NRG3: variants seen among roughly 807,000 people sequenced by gnomAD.
The protein encoded by NRG3 is neuregulin 3.
A neutral mutation model predicts 66.9 loss-of-function variants in NRG3; 31 were observed. The observed-to-expected ratio is 0.46, with a 90% confidence interval of 0.35 to 0.63. NRG3 has a LOEUF of 0.63. NRG3 is among the 20% of genes least tolerant of loss of function. NRG3 has a pLI of 0.00. For missense variants in NRG3, 910 were observed against 878.9 expected (o/e 1.04, Z -0.45); for synonymous variants, 393 against 359.4 (o/e 1.09, Z -1.06).
In NRG3 at chr10:81,964,416, AAAG is replaced by A. The variant is rs1457041646; in HGVS notation, c.823+88259_823+88261del. 9.9e-3 allele frequency among the ~76,000 whole-genome samples: 1,286 copies of A among 129,766 alleles called. 22 individuals are homozygous for A. Among genetic ancestry groups the A allele is most frequent in the African/African-American group, 0.031 (930 of 29,590 alleles). The allele number at this position is 129,766 out of a possible 152,430, so 85.1% of individuals were successfully genotyped here. A position where few individuals can be genotyped will look rare whatever the true frequency, so the allele number is the denominator to read the frequency against. Reference sequence around the variant, plus strand: ...GTCTCAAAAAAAAAAAAAAAAAAAAAAAGAAGAATATTAGAAAATTACAAAAAA... The same window carrying A: ...GTCTCAAAAAAAAAAAAAAAAAAAAAAAGAATATTAGAAAATTACAAAAAA... On this transcript the variant is annotated intron_variant, in intron 1 of 8. Coordinates refer to ENST00000372141, the MANE Select transcript of NRG3 (RefSeq NM_001010848.4).
chr10:82,376,839 T>C (rs2085273071), intron 2 of NRG3, among the ~76,000 whole-genome samples: 1 of 152,104 alleles, frequency 6.6e-6, no homozygotes, highest in African/African-American at 2.4e-5. Flanking sequence ...TCTATGCATA[T>C]TCATTGAGTA....
chr10:81,949,583 C>A (rs1288851585), intron 1 of NRG3, among the ~76,000 whole-genome samples: 2 of 152,142 alleles, frequency 1.3e-5, no homozygotes, highest in Non-Finnish European at 2.9e-5. Context: ...TTGTATCTGG[C>A]AAATGGGTAA....
At chr10:82,018,434 A>G (rs1430992740) in intron 1 of NRG3, among the ~76,000 whole-genome samples, 2 of 152,128 alleles carry the variant, frequency 1.3e-5, no homozygotes, top group Non-Finnish European at 2.9e-5. Context: ...TTTTGGTTCC[A>G]TATGAACTTT....
intron 4 of NRG3, among the ~76,000 whole-genome samples, chr10:82,905,290 C>T (rs1438466732): frequency 3.9e-5 from 6 of 152,086 alleles, no homozygotes; most frequent in African/African-American, 9.7e-5. Context: ...AGTTTCTCTC[C>T]GATTGTCTTA....
chr10:81,945,842 G>C (rs73306535), intron 1 of NRG3, among the ~76,000 whole-genome samples: 1 of 152,092 alleles, frequency 6.6e-6, no homozygotes, highest in Non-Finnish European at 1.5e-5. Flanking sequence ...GTGCACAGAC[G>C]TGCACTCAGG....
chr10:81,940,718 G>T (rs1175319584), intron 1 of NRG3, among the ~76,000 whole-genome samples: 1 of 151,932 alleles, frequency 6.6e-6, no homozygotes, highest in Non-Finnish European at 1.5e-5. Context: ...AAAAAGGCTG[G>T]AAAATGTAGT....
rs1454083669 is a variant in NRG3 at position 82,462,254 on chromosome 10, A to G, written c.953+103386A>G. 1.6e-4 allele frequency among the ~76,000 whole-genome samples: 24 copies of G among 152,130 alleles called. 2 individuals carry two copies. The highest frequency in any genetic ancestry group is 1.6e-3 in the Admixed American group (24 of 15,276). ...AAAGTGTGAGACTTTGAATCATAGA[A>G]GTTCAAATATATTCCAGAGTTCTCA... On this transcript the variant is annotated intron_variant, in intron 2 of 8. Transcript: ENST00000372141.
At chr10:82,308,648 C>A (rs1290203933) in intron 1 of NRG3, among the ~76,000 whole-genome samples, 1 of 152,024 alleles carries the variant, frequency 6.6e-6, no homozygotes, top group Non-Finnish European at 1.5e-5. Flanking sequence ...ACCAATATTC[C>A]TCCTGTTTTT....
At chr10:82,148,486 G>A (rs191374550) in intron 1 of NRG3, among the ~76,000 whole-genome samples, 39 of 152,126 alleles carry the variant, frequency 2.6e-4, no homozygotes, top group African/African-American at 5.3e-4. Flanking sequence ...CTTTTTTGCC[G>A]TAAGCTTAAA....
intron 1 of NRG3, among the ~76,000 whole-genome samples, chr10:82,281,667 A>C (rs914977776): frequency 1.1e-4 from 17 of 152,114 alleles, no homozygotes; most frequent in African/African-American, 4.1e-4. Flanking sequence ...TCCATTTTAC[A>C]CCAAGAAAGT....
intron 2 of NRG3, among the ~76,000 whole-genome samples, chr10:82,576,774 C>T (rs568623675): frequency 1.8e-4 from 28 of 151,796 alleles, no homozygotes; most frequent in Admixed American, 1.3e-3. Context: ...ATCTTGTAAA[C>T]TCTTGCAGCA....
chr10:82,768,946 CTTTCT>C (rs1369038191), intron 3 of NRG3, among the ~76,000 whole-genome samples: 1 of 152,058 alleles, frequency 6.6e-6, no homozygotes, highest in Admixed American at 6.6e-5. Flanking sequence ...TATGTGTTCT[CTTTCT>C]ATGTATTTAA....
chr10:82,637,034 G>A (rs2050248918), intron 2 of NRG3, among the ~76,000 whole-genome samples: 1 of 152,054 alleles, frequency 6.6e-6, no homozygotes, highest in African/African-American at 2.4e-5. Flanking sequence ...TTGTATTCAG[G>A]ATTTTTGCTA....
At chr10:82,645,033 A>C (rs1053144618) in intron 2 of NRG3, among the ~76,000 whole-genome samples, 1 of 152,208 alleles carries the variant, frequency 6.6e-6, no homozygotes, top group South Asian at 2.1e-4. Flanking sequence ...TACAGTTTTG[A>C]GAAAACCCAT....
chr10:82,381,577 C>G (rs1317797956), intron 2 of NRG3, among the ~76,000 whole-genome samples: 4 of 152,110 alleles, frequency 2.6e-5, no homozygotes, highest in African/African-American at 9.7e-5. Flanking sequence ...AAAGCTATTT[C>G]ATTTGTGCTT....
intron 1 of NRG3, among the ~76,000 whole-genome samples, chr10:82,349,180 C>A: frequency 6.7e-6 from 1 of 150,158 alleles, no homozygotes; most frequent in East Asian, 2.0e-4. Context: ...TCTGTTTTTT[C>A]CCCATCTTTG....
At chr10:82,090,698 A>G (rs2065977239) in intron 1 of NRG3, among the ~76,000 whole-genome samples, 1 of 152,182 alleles carries the variant, frequency 6.6e-6, no homozygotes, top group African/African-American at 2.4e-5. Flanking sequence ...ACCAGAACTC[A>G]GCTGAGTATC....
At chr10:82,066,803 A>G (rs1311995538) in intron 1 of NRG3, among the ~76,000 whole-genome samples, 1 of 152,020 alleles carries the variant, frequency 6.6e-6, no homozygotes, top group African/African-American at 2.4e-5. Context: ...TTCACCACCC[A>G]TGGTACTTAG....
At chr10:82,004,538 T>G (rs1216212332) in intron 1 of NRG3, among the ~76,000 whole-genome samples, 1 of 152,204 alleles carries the variant, frequency 6.6e-6, no homozygotes. Context: ...TGCAGGTATG[T>G]GCGGCAGTGC....
Sources: allele counts gnomAD v4.1 joint callset (sites outside exome capture counted in the v4.1 genomes callset), GRCh38; gene constraint gnomAD v4.1.1; transcripts MANE v1.5; gene names NCBI Gene and HGNC (gene_info 2026-07-23, HGNC 2026-07-21).